MTERF3: variants seen among roughly 807,000 people sequenced by gnomAD.
The protein encoded by MTERF3 is transcription termination factor 3, mitochondrial.
In MTERF3, 40 loss-of-function variants were observed where a neutral mutation model predicts 40.5. The ratio of observed to expected loss-of-function variants is 0.99; its 90% CI spans 0.77 to 1.29. The LOEUF (loss-of-function observed/expected upper bound fraction) is 1.29. Among genes scored for constraint, MTERF3 ranks in the 50% most tolerant of loss-of-function variants. The pLI, the probability that MTERF3 is intolerant of heterozygous loss-of-function variation, is 0.00. For synonymous variants in MTERF3, 158 were observed against 166.6 expected (o/e 0.95, Z 0.40); for missense variants, 452 against 478.2 (o/e 0.95, Z 0.51).
chr8:96,242,463 A>C (rs1809946727), intron 7 of MTERF3, among the ~76,000 whole-genome samples: 1 of 152,226 alleles, frequency 6.6e-6, no homozygotes, highest in African/African-American at 2.4e-5. Context: ...TTGGGTTTTT[A>C]AACTGGACTG....
At position 96,243,900 on chromosome 8, in the gene MTERF3, G is replaced by A. The variant is rs1283827876; in HGVS notation, c.1059+19C>T. ...AGCGCAATGGCAGCGCTTACAGAGA[G>A]AGCTGTGAGTGGCATTACCTGTGGG... On this transcript the variant is annotated intron_variant, in intron 7 of 7. Coordinates refer to ENST00000287025, the MANE Select transcript of MTERF3 (RefSeq NM_015942.5). 2 of 1,612,030 alleles carry A rather than the reference G, an allele frequency of 1.2e-6. No individual in the cohort carries two copies. Among genetic ancestry groups the A allele is most frequent in the Non-Finnish European group, 1.7e-6 (2 of 1,178,674 alleles).
At chr8:96,246,483 G>A in intron 4 of MTERF3, 29 bp from the exon 5 acceptor site, 1 of 1,558,220 alleles carries the variant, frequency 6.4e-7, no homozygotes, top group East Asian at 2.3e-5. Context: ...ATACGCATGT[G>A]ATAAACACTT....
In MTERF3 at chr8:96,243,897, A is replaced by C. The variant is rs747110492; in HGVS notation, c.1059+22T>G. Reference sequence around the variant, plus strand: ...TGAAGCGCAATGGCAGCGCTTACAGAGAGAGCTGTGAGTGGCATTACCTGT... The same window carrying C: ...TGAAGCGCAATGGCAGCGCTTACAGCGAGAGCTGTGAGTGGCATTACCTGT... On this transcript the variant is annotated intron_variant, in intron 7 of 7. Coordinates refer to ENST00000287025, the MANE Select transcript of MTERF3 (RefSeq NM_015942.5). The C allele has an allele frequency of 1.8e-5, 29 of 1,610,886 alleles. No homozygotes were observed. In the African/African-American group the frequency reaches 3.9e-4, roughly 22 times the overall value.
At chr8:96,261,377 C>G (rs1810384399) in intron 1 of MTERF3, 124 bp downstream of exon 1, 1 of 152,300 alleles carries the variant, frequency 6.6e-6, no homozygotes, top group Non-Finnish European at 1.5e-5. Flanking sequence ...ACCAATCACC[C>G]TCTACTGGGC....
intron 7 of MTERF3, among the ~76,000 whole-genome samples, chr8:96,240,877 G>T (rs764902375): frequency 6.6e-6 from 1 of 152,084 alleles, no homozygotes; most frequent in Admixed American, 6.5e-5. Context: ...ACTATGAAAA[G>T]CAATTGTTGA....
intron 3 of MTERF3, among the ~76,000 whole-genome samples, chr8:96,255,874 T>C (rs1457349496): frequency 6.6e-6 from 1 of 152,056 alleles, no homozygotes; most frequent in Non-Finnish European, 1.5e-5. Context: ...GACACTGAAA[T>C]GCCTGCAAAT....
intron 5 of MTERF3, 37 bp from the exon 6 acceptor site, chr8:96,245,968 C>T (rs374109462): frequency 1.8e-5 from 28 of 1,564,846 alleles, no homozygotes; most frequent in African/African-American, 2.7e-5. Flanking sequence ...TATTACTATA[C>T]GTGCATCTTT....
chr8:96,247,164 G>A (rs1256027906), intron 4 of MTERF3, among the ~76,000 whole-genome samples: 1 of 152,058 alleles, frequency 6.6e-6, no homozygotes, highest in Non-Finnish European at 1.5e-5. Context: ...GTAGAGACGG[G>A]GTTTCACCAT....
intron 6 of MTERF3, 121 bp downstream of exon 6, chr8:96,245,739 T>C (rs1043551808): frequency 1.2e-6 from 1 of 808,336 alleles, no homozygotes; most frequent in Non-Finnish European, 2.0e-6. Context: ...ATTTCTCTTT[T>C]TAGAAATAAC....
At chr8:96,242,399 C>T (rs566581101) in intron 7 of MTERF3, among the ~76,000 whole-genome samples, 1 of 152,202 alleles carries the variant, frequency 6.6e-6, no homozygotes, top group African/African-American at 2.4e-5. Context: ...TTAAACACCA[C>T]TCCCTCTTCT....
At chr8:96,253,045 CCAG>C (rs1298112849) in intron 3 of MTERF3, among the ~76,000 whole-genome samples, 4 of 152,150 alleles carry the variant, frequency 2.6e-5, no homozygotes, top group Non-Finnish European at 5.9e-5. Context: ...CTCTAGGTGA[CCAG>C]TCTAGTTGGG....
chr8:96,247,251 T>C (rs1810038499), intron 4 of MTERF3, among the ~76,000 whole-genome samples: 1 of 152,234 alleles, frequency 6.6e-6, no homozygotes, highest in African/African-American at 2.4e-5. Flanking sequence ...GGGATTACAC[T>C]TGAGTGACCA....
At chr8:96,251,231 C>A in intron 3 of MTERF3, 136 bp from the exon 4 acceptor site, 2 of 620,684 alleles carry the variant, frequency 3.2e-6, no homozygotes, top group Non-Finnish European at 5.1e-6. Flanking sequence ...ATAGAAACTT[C>A]TAAATATTTT....
chr8:96,246,791 T>C (rs1810029818), intron 4 of MTERF3, among the ~76,000 whole-genome samples: 1 of 152,208 alleles, frequency 6.6e-6, no homozygotes, highest in South Asian at 2.1e-4. Flanking sequence ...TCAATTAATC[T>C]GGTTTATTAC....
At position 96,250,671 on chromosome 8, in the gene MTERF3, GA is replaced by G. The variant is rs1445012600; in HGVS notation, c.677+234del. ...AGAAGAAGAAGAAGAAGAAGAAGAA[GA>G]AGAAGAAGAAGGAGGAGGAGGAGGG... is the stretch of plus-strand genomic sequence containing the variant. On this transcript the variant is annotated intron_variant, in intron 4 of 7. Coordinates refer to ENST00000287025, the MANE Select transcript of MTERF3 (RefSeq NM_015942.5). Among the ~76,000 whole-genome samples the G allele has an allele frequency of 3.8e-3, 159 of 42,278 alleles. 36 individuals are homozygous for G. The highest frequency in any genetic ancestry group is 0.015 in the African/African-American group (145 of 9,434). The allele number at this position is 42,278 out of a possible 152,430, so 27.7% of individuals were successfully genotyped here.
chr8:96,254,299 T>C (rs576130048), intron 3 of MTERF3, among the ~76,000 whole-genome samples: 1 of 152,252 alleles, frequency 6.6e-6, no homozygotes, highest in Non-Finnish European at 1.5e-5. Context: ...TAAAATCTAC[T>C]CTCTTAACAA....
Position 96,251,041 on chromosome 8 carries a change from C to T in MTERF3, c.542G>A (p.Arg181Lys). The change falls in exon 4 of 8, where the codon AGA (arginine) becomes AAA (lysine). Residue 181 changes from arginine to lysine, a missense_variant. Arg to Lys is a conservative substitution (Grantham distance 26). Coordinates refer to ENST00000287025, the MANE Select transcript of MTERF3 (RefSeq NM_015942.5). ...CTTAATGTCTTTTTCAAAATCCAGT[C>T]TCAGAAGGAGGTTTGCTGCTTCTGG... ...KHPEAANLLL[R>K]LDFEKDIKQM... 1 of 1,603,106 alleles carries T rather than the reference C, an allele frequency of 6.2e-7. No homozygotes were observed. Among genetic ancestry groups the T allele is most frequent in the Non-Finnish European group, 8.5e-7 (1 of 1,177,250 alleles).
Position 96,239,651 on chromosome 8 carries a change from CTT to C in MTERF3, c.1092_1093del (p.Arg365ThrfsTer13), listed in dbSNP as rs760921813. 45 of 1,599,750 alleles carry C rather than the reference CTT, an allele frequency of 2.8e-5. No homozygotes were observed. The highest frequency in any genetic ancestry group is 3.2e-5 in the Non-Finnish European group (38 of 1,176,824). On this transcript the variant is annotated frameshift_variant, in exon 8 of 8. Coordinates refer to ENST00000287025, the MANE Select transcript of MTERF3 (RefSeq NM_015942.5). LOFTEE classifies it high-confidence loss of function. ...TCCTAAATAGGTAAGAAACAAGTGT[CTT>C]TCTTTGACCTTAAACAGCCTTGTAT...
In MTERF3 at chr8:96,250,986, AC is replaced by A. The variant is rs753296229; in HGVS notation, c.596del (p.Gly199ValfsTer2). ...KQMLLFLKDV[G>X]IEDNQLGAFL... ...ATGCTCCCAGTTGGTTATCCTCTAT[AC>A]CCACATCTTTAAGAAACAGAAGCAT... On this transcript the variant is annotated frameshift_variant, in exon 4 of 8. Transcript: ENST00000287025. LOFTEE classifies it high-confidence loss of function. 8.1e-6 allele frequency: 13 copies of A among 1,607,974 alleles called. No homozygotes were observed. Among genetic ancestry groups the A allele is most frequent in the Non-Finnish European group, 1.1e-5 (13 of 1,178,624 alleles).
Sources: allele counts gnomAD v4.1 joint callset (sites outside exome capture counted in the v4.1 genomes callset), GRCh38; gene constraint gnomAD v4.1.1; transcripts MANE v1.5; gene names NCBI Gene and HGNC (gene_info 2026-07-23, HGNC 2026-07-21).